AUTS2: variants seen among roughly 807,000 people sequenced by gnomAD.
AUTS2 encodes autism susceptibility gene 2 protein.
A neutral mutation model predicts 112.4 loss-of-function variants in AUTS2; 17 were observed. That is an observed-to-expected ratio of 0.15 (90% CI 0.10 to 0.23). The LOEUF (loss-of-function observed/expected upper bound fraction) is 0.23, where lower values mean the gene tolerates loss of function less well. Ranked by LOEUF, AUTS2 falls within the 10% of genes least tolerant of loss-of-function variation. The probability of loss-of-function intolerance (pLI) is 1.00; values close to 1 mark genes in which losing one functional copy is unlikely to be tolerated. For missense variants in AUTS2, 1,510 were observed against 1,701.6 expected, an observed-to-expected ratio of 0.89 and a Z score of 1.98; for synonymous variants, 751 against 702.7, an observed-to-expected ratio of 1.07 and a Z score of -1.09.
At chr7:69,635,313 G>A (rs1179190661) in intron 1 of AUTS2, among the ~76,000 whole-genome samples, 1 of 152,144 alleles carries the variant, frequency 6.6e-6, no homozygotes, top group Non-Finnish European at 1.5e-5. Flanking sequence ...CTACCATAGG[G>A]CTCACTCACC....
chr7:69,614,141 C>T (rs1793193997), intron 1 of AUTS2, among the ~76,000 whole-genome samples: 1 of 152,120 alleles, frequency 6.6e-6, no homozygotes, highest in Non-Finnish European at 1.5e-5. Context: ...ACAGGTCATT[C>T]TCTGGGACTT....
intron 2 of AUTS2, among the ~76,000 whole-genome samples, chr7:69,989,587 C>G (rs142403127): frequency 7.1e-4 from 108 of 152,244 alleles, no homozygotes; most frequent in Admixed American, 4.2e-3. Flanking sequence ...TGCAGCCAAG[C>G]TGATGGTTCC....
chr7:69,692,687 A>G (rs1451773407), intron 1 of AUTS2, among the ~76,000 whole-genome samples: 3 of 152,248 alleles, frequency 2.0e-5, no homozygotes, highest in African/African-American at 7.2e-5. Flanking sequence ...GTCATGGTAT[A>G]TACCAATCTG....
At chr7:70,487,324 GA>G (rs2116337501) in intron 5 of AUTS2, among the ~76,000 whole-genome samples, 1 of 152,282 alleles carries the variant, frequency 6.6e-6, no homozygotes, top group African/African-American at 2.4e-5. Context: ...GAATTTTCAA[GA>G]AGTGTTAATT....
chr7:69,955,711 A>G (rs966703668), intron 2 of AUTS2, among the ~76,000 whole-genome samples: 6 of 152,116 alleles, frequency 3.9e-5, no homozygotes, highest in Admixed American at 1.3e-4. Context: ...TAGGGCCTCA[A>G]TTCCCTGTAT....
chr7:70,247,299 A>G (rs933582000), intron 4 of AUTS2, among the ~76,000 whole-genome samples: 4 of 152,160 alleles, frequency 2.6e-5, no homozygotes, highest in Non-Finnish European at 4.4e-5. Flanking sequence ...ACTTATATCC[A>G]GTGCCTACCA....
At chr7:69,837,983 C>A (rs566726457) in intron 1 of AUTS2, among the ~76,000 whole-genome samples, 30 of 152,228 alleles carry the variant, frequency 2.0e-4, no homozygotes, top group African/African-American at 7.0e-4. Context: ...TTCCTTTTCT[C>A]TCTTGATGGC....
At chr7:70,269,053 G>C (rs1415270811) in intron 4 of AUTS2, among the ~76,000 whole-genome samples, 1 of 152,126 alleles carries the variant, frequency 6.6e-6, no homozygotes, top group African/African-American at 2.4e-5. Context: ...CTGTGCAGCT[G>C]TTCTTCAATA....
At chr7:69,923,542 T>C (rs1030229777) in intron 2 of AUTS2, among the ~76,000 whole-genome samples, 20 of 152,310 alleles carry the variant, frequency 1.3e-4, no homozygotes, top group African/African-American at 4.6e-4. Flanking sequence ...GTGTGATCAA[T>C]TTGGGGAGAA....
At chr7:69,894,692 C>CAT (rs1434121684) in intron 1 of AUTS2, among the ~76,000 whole-genome samples, 1 of 152,084 alleles carries the variant, frequency 6.6e-6, no homozygotes, top group Admixed American at 6.6e-5. Context: ...TTTCCCATCT[C>CAT]AGGTGTTTCT....
intron 4 of AUTS2, among the ~76,000 whole-genome samples, chr7:70,182,777 T>G (rs1280338133): frequency 6.6e-6 from 1 of 151,450 alleles, no homozygotes. Flanking sequence ...AGAGACAGAT[T>G]CTTCATAAAA....
chr7:69,716,096 T>G (rs1257469402), intron 1 of AUTS2, among the ~76,000 whole-genome samples: 2 of 152,144 alleles, frequency 1.3e-5, no homozygotes, highest in Admixed American at 1.3e-4. Flanking sequence ...GTTTCAGGGT[T>G]TTTTTTGGTT....
At chr7:69,750,694 A>T (rs1787703777) in intron 1 of AUTS2, among the ~76,000 whole-genome samples, 1 of 152,032 alleles carries the variant, frequency 6.6e-6, no homozygotes, top group Admixed American at 6.6e-5. Context: ...TCTGGGCCTT[A>T]CAAAGTGCTG....
intron 2 of AUTS2, among the ~76,000 whole-genome samples, chr7:70,074,237 C>T (rs1292377289): frequency 6.6e-6 from 1 of 152,112 alleles, no homozygotes; most frequent in Non-Finnish European, 1.5e-5. Context: ...AAAGAAGTAA[C>T]GGGTGGTGGT....
At chr7:69,857,573 TTTTA>T in intron 1 of AUTS2, among the ~76,000 whole-genome samples, 1 of 152,360 alleles carries the variant, frequency 6.6e-6, no homozygotes. Context: ...TGCTTAAAAT[TTTTA>T]TTTATCGTCT....
At chr7:70,413,726 G>T (rs1794874626) in intron 4 of AUTS2, among the ~76,000 whole-genome samples, 1 of 152,050 alleles carries the variant, frequency 6.6e-6, no homozygotes, top group Non-Finnish European at 1.5e-5. Context: ...CACCCAGGCT[G>T]GAGGGCAGTG....
chr7:70,753,883 G>C (rs947045331), intron 6 of AUTS2, among the ~76,000 whole-genome samples: 4 of 152,208 alleles, frequency 2.6e-5, no homozygotes. Context: ...TTGGCCGGGC[G>C]TGGTGGCTCA....
chr7:70,203,307 C>A (rs1810391198), intron 4 of AUTS2, among the ~76,000 whole-genome samples: 1 of 112,844 alleles, frequency 8.9e-6, no homozygotes, highest in Non-Finnish European at 1.7e-5. Flanking sequence ...AACTAACCTG[C>A]ACAATGTGCA....
chr7:70,424,955 G>A (rs948134213), intron 4 of AUTS2, among the ~76,000 whole-genome samples: 4 of 152,218 alleles, frequency 2.6e-5, no homozygotes, highest in Non-Finnish European at 4.4e-5. Context: ...CTCTGCCGTT[G>A]TTCCTGTGGA....
Sources: allele counts gnomAD v4.1 joint callset (sites outside exome capture counted in the v4.1 genomes callset), GRCh38; gene constraint gnomAD v4.1.1; transcripts MANE v1.5; gene names NCBI Gene and HGNC (gene_info 2026-07-23, HGNC 2026-07-21).